Variants in SNRNP48 observed in about 807,000 individuals in gnomAD.
The protein encoded by SNRNP48 is small nuclear ribonucleoprotein U11/U12 subunit 48.
A neutral mutation model predicts 47.0 loss-of-function variants in SNRNP48; 43 were observed. The ratio of observed to expected loss-of-function variants is 0.92; its 90% CI spans 0.72 to 1.18. SNRNP48 has a LOEUF of 1.18. Among genes scored for constraint, SNRNP48 ranks in the 50% most tolerant of loss-of-function variants. The probability of loss-of-function intolerance (pLI) is 0.00; values close to 1 mark genes in which losing one functional copy is unlikely to be tolerated. For missense variants in SNRNP48, 396 were observed against 422.2 expected (o/e 0.94, Z 0.54); for synonymous variants, 138 against 144.0 (o/e 0.96, Z 0.30).
At chr6:7,599,782 C>G (rs955784682) in intron 4 of SNRNP48, 2 of 1,263,880 alleles carry the variant, frequency 1.6e-6, no homozygotes. Context: ...AATTTCTAAA[C>G]TTTATCTTAA....
At chr6:7,600,586 T>G (rs987768967) in intron 4 of SNRNP48, 48 of 152,318 alleles carry the variant, frequency 3.2e-4, no homozygotes, top group African/African-American at 1.1e-3. Context: ...GTTTAATACA[T>G]CATATCAAGG....
At chr6:7,602,301 A>G (rs1048056883) in intron 5 of SNRNP48, among the ~76,000 whole-genome samples, 1 of 152,174 alleles carries the variant, frequency 6.6e-6, no homozygotes, top group Non-Finnish European at 1.5e-5. Context: ...CAAATTCTGC[A>G]TGGATACTGA....
rs201776953 is a variant in SNRNP48, at chr6:7,606,781, AC to A, written c.971+588del. On this transcript the variant is annotated intron_variant, in intron 8 of 8. Transcript: ENST00000342415. ...GTTCATCAGGTCTAGAACTAAACTTACCTTTTTCTCAATCTGCTCCTCTTTC... is the reference window on the plus strand; with the variant it reads ...GTTCATCAGGTCTAGAACTAAACTTACTTTTTCTCAATCTGCTCCTCTTTC... 8.4e-3 allele frequency among the ~76,000 whole-genome samples: 1,280 copies of A among 152,282 alleles called. 18 individuals are homozygous for A. The highest frequency in any genetic ancestry group is 0.029 in the African/African-American group (1,197 of 41,562).
intron 1 of SNRNP48, 119 bp from the exon 2 acceptor site, chr6:7,593,615 C>T: frequency 1.9e-6 from 1 of 516,312 alleles, no homozygotes; most frequent in Non-Finnish European, 3.2e-6. Flanking sequence ...TTGAGAGAGG[C>T]CTGTAGAAGA....
At chr6:7,593,894 T>G in intron 2 of SNRNP48, 47 bp downstream of exon 2, 1 of 1,347,884 alleles carries the variant, frequency 7.4e-7, no homozygotes, top group Non-Finnish European at 1.0e-6. Flanking sequence ...TCATGCATTT[T>G]ACACATTAAT....
At chr6:7,603,268 A>G (rs944731893) in intron 6 of SNRNP48, among the ~76,000 whole-genome samples, 14 of 152,182 alleles carry the variant, frequency 9.2e-5, no homozygotes, top group African/African-American at 2.9e-4. Context: ...GACTTAAGAA[A>G]TGTCTTGATA....
chr6:7,597,682 C>G (rs1347018539), intron 4 of SNRNP48, among the ~76,000 whole-genome samples: 2 of 151,890 alleles, frequency 1.3e-5, no homozygotes, highest in African/African-American at 4.8e-5. Flanking sequence ...AAATGTTCTG[C>G]TTTTTAATTT....
At chr6:7,599,613 G>C (rs2113718803) in intron 4 of SNRNP48, 2 of 1,013,602 alleles carry the variant, frequency 2.0e-6, no homozygotes, top group African/African-American at 3.4e-5. Flanking sequence ...AAATATCTAT[G>C]TTCCGAATGA....
chr6:7,606,512 C>T (rs1021300596), intron 8 of SNRNP48, among the ~76,000 whole-genome samples: 1 of 152,158 alleles, frequency 6.6e-6, no homozygotes, highest in Non-Finnish European at 1.5e-5. Context: ...TTCCCAGATC[C>T]CTTTCTTCTG....
chr6:7,596,084 C>T (rs150332159), intron 4 of SNRNP48, among the ~76,000 whole-genome samples: 1 of 151,974 alleles, frequency 6.6e-6, no homozygotes, highest in African/African-American at 2.4e-5. Context: ...GCCAACATGG[C>T]GAAACCCTGT....
In SNRNP48 at chr6:7,609,685, A is replaced by G. The variant is rs1000844132; in HGVS notation, c.*812A>G. On this transcript the variant is annotated 3_prime_UTR_variant, in exon 9 of 9. Transcript: ENST00000342415. ...AACTTTAGCTTTATCCATAACATTAATTTTTTTAAAAAATAAGGTCTTAAT... is the reference window on the plus strand; with the variant it reads ...AACTTTAGCTTTATCCATAACATTAGTTTTTTTAAAAAATAAGGTCTTAAT... 1 of 152,004 alleles carries G rather than the reference A, an allele frequency of 6.6e-6. No individual in the cohort carries two copies. The highest frequency in any genetic ancestry group is 1.5e-5 in the Non-Finnish European group (1 of 68,010). The allele number at this position is 152,004 out of a possible 1,614,324, so 9.4% of individuals were successfully genotyped here. A position where few individuals can be genotyped will look rare whatever the true frequency, so the allele number is the denominator to read the frequency against.
intron 4 of SNRNP48, among the ~76,000 whole-genome samples, chr6:7,595,381 A>AT (rs1281843729): frequency 1.4e-5 from 2 of 145,232 alleles, no homozygotes; most frequent in Non-Finnish European, 3.1e-5. Context: ...TGGCTAATTA[A>AT]AAAAATTATT....
chr6:7,608,727 A>G, intron 8 of SNRNP48, 98 bp from the exon 9 acceptor site: 1 of 536,964 alleles, frequency 1.9e-6, no homozygotes, highest in Non-Finnish European at 3.1e-6. Context: ...GTAGCATATT[A>G]CTGTTGAAAG....
intron 1 of SNRNP48, among the ~76,000 whole-genome samples, chr6:7,593,007 G>T (rs1486459208): frequency 6.6e-6 from 1 of 152,052 alleles, no homozygotes; most frequent in Non-Finnish European, 1.5e-5. Context: ...GGGAGATGAT[G>T]AATATAATTA....
chr6:7,590,784 C>A (rs954347241), intron 1 of SNRNP48, among the ~76,000 whole-genome samples: 4 of 152,182 alleles, frequency 2.6e-5, no homozygotes, highest in Admixed American at 1.3e-4. Context: ...TCCAGACTAG[C>A]CTGGGCAACA....
At chr6:7,608,479 G>T (rs1026980700) in intron 8 of SNRNP48, among the ~76,000 whole-genome samples, 1 of 152,006 alleles carries the variant, frequency 6.6e-6, no homozygotes, top group African/African-American at 2.4e-5. Flanking sequence ...GCTTGAATCC[G>T]GGAGGCGAAG....
chr6:7,606,433 C>T (rs191751791), intron 8 of SNRNP48, among the ~76,000 whole-genome samples: 92 of 152,250 alleles, frequency 6.0e-4, no homozygotes, highest in Non-Finnish European at 1.2e-4. Context: ...TTATCTCTTA[C>T]TTGCTTGCTT....
rs1358460648 is a variant in SNRNP48 at position 7,590,245 on chromosome 6, G to T, written c.-13G>T. 2 of 1,304,710 alleles carry T rather than the reference G, an allele frequency of 1.5e-6. No homozygotes were observed. Among genetic ancestry groups the T allele is most frequent in the Non-Finnish European group, 9.8e-7 (1 of 1,018,790 alleles). The allele number at this position is 1,304,710 out of a possible 1,614,324, so 80.8% of individuals were successfully genotyped here. A position where few individuals can be genotyped will look rare whatever the true frequency, so the allele number is the denominator to read the frequency against. The stretch of plus-strand genomic sequence containing the variant: ...CAGTTCGGCCGCTTCCTCTTGGCGG[G>T]TGGGCTGCAGCTATGGAGGGCGAGC... On this transcript the variant is annotated 5_prime_UTR_variant, in exon 1 of 9. Coordinates refer to ENST00000342415, the MANE Select transcript of SNRNP48 (RefSeq NM_152551.4).
At position 7,608,932 on chromosome 6, in the gene SNRNP48, T is replaced by C; in HGVS notation, c.*59T>C. 2.1e-6 allele frequency: 2 copies of C among 963,952 alleles called. No individual in the cohort carries two copies. The highest frequency in any genetic ancestry group is 3.0e-6 in the Non-Finnish European group (2 of 671,512). 59.7% of individuals were successfully genotyped at this position (963,952 alleles called of 1,614,324 possible). A position where few individuals can be genotyped will look rare whatever the true frequency, so the allele number is the denominator to read the frequency against. On this transcript the variant is annotated 3_prime_UTR_variant, in exon 9 of 9. Transcript: ENST00000342415. ...CGCCATGATAACCAATATACAGATA[T>C]ATTAATTGGAATTCCTTTGCATAGG...
Sources: gnomAD v4.1 joint callset for allele counts (sites outside exome capture counted in the v4.1 genomes callset) on GRCh38, gnomAD v4.1.1 for gene constraint, MANE v1.5 for transcripts, NCBI Gene and HGNC (gene_info 2026-07-23, HGNC 2026-07-21) for gene names.